SCN3A: variants seen among roughly 807,000 people sequenced by gnomAD.
The protein encoded by SCN3A is sodium voltage-gated channel alpha subunit 3.
SCN3A carries 60 observed loss-of-function variants against 187.6 expected under a neutral mutation model. That is an observed-to-expected ratio of 0.32 (90% CI 0.26 to 0.40). The LOEUF is 0.40. SCN3A is among the 10% of genes least tolerant of loss of function. The pLI is 1.00. For synonymous variants in SCN3A, 788 were observed against 829.2 expected (o/e 0.95, Z 0.85); for missense variants, 1,601 against 2,428.2 (o/e 0.66, Z 7.16).
chr2:165,176,226 C>G lies in SCN3A; in HGVS notation c.169G>C (p.Ala57Pro), dbSNP rs556383202. The change falls in exon 3 of 28, where the codon GCT becomes CCT. Residue 57 changes from alanine to proline, a missense_variant. Transcript: ENST00000283254. ...NKPKPNSDLE[A>P]GKNLPFIYGD... ...TAAATAAATGGAAGGTTCTTTCCAGCTTCCAAGTCACTATTTGGCTTTGGT... is the reference window on the plus strand; with the variant it reads ...TAAATAAATGGAAGGTTCTTTCCAGGTTCCAAGTCACTATTTGGCTTTGGT... The G allele has an allele frequency of 6.2e-7, 1 of 1,614,122 alleles. No individual in the cohort carries two copies. Among genetic ancestry groups the G allele is most frequent in the East Asian group, 2.2e-5 (1 of 44,870 alleles).
chr2:165,111,484 TAC>T (rs60417556), intron 21 of SCN3A, among the ~76,000 whole-genome samples: 19,503 of 142,208 alleles, frequency 0.14, 1,359 homozygotes, highest in Admixed American at 0.23. Context: ...GCCAGTCTGA[TAC>T]ACACACACAC....
In SCN3A at chr2:165,140,988, C is replaced by T. The variant is rs1383276867; in HGVS notation, c.1682G>A (p.Ser561Asn). Residue 561 changes from serine (S) to asparagine (N), a missense_variant, in exon 13 of 28, where the codon AGT (serine) becomes AAT (asparagine). Ser to Asn is a conservative substitution (Grantham distance 46). Transcript: ENST00000283254. This position sits in a 1 kb window ranked among gnomAD's most constrained non-coding sequence, Gnocchi z 4.2. ...KFCSPHQSLL[S>N]IRGSLFSPRR... Reference sequence around the variant, plus strand: ...TGGGGAAAACAGGGAGCCACGGATACTCAAGAGAGACTGCAGAGAAAGCAA... The same window carrying T: ...TGGGGAAAACAGGGAGCCACGGATATTCAAGAGAGACTGCAGAGAAAGCAA... 6.2e-7 allele frequency: 1 copy of T among 1,613,362 alleles called. No individual in the cohort carries two copies. The highest frequency in any genetic ancestry group is 1.3e-5 in the African/African-American group (1 of 74,846).
At chr2:165,164,849 T>A (rs1480982040) in intron 5 of SCN3A, among the ~76,000 whole-genome samples, 2 of 152,188 alleles carry the variant, frequency 1.3e-5, no homozygotes, top group East Asian at 1.9e-4. Flanking sequence ...AAGCCACAAA[T>A]GTAATTTTCA....
At chr2:165,201,359 T>A (rs2106000836) in intron 1 of SCN3A, among the ~76,000 whole-genome samples, 1 of 152,180 alleles carries the variant, frequency 6.6e-6, no homozygotes, top group Non-Finnish European at 1.5e-5. Context: ...ATTTGGCAGT[T>A]TTATTCTATC....
chr2:165,105,867 A>C (rs1196326760), intron 21 of SCN3A, among the ~76,000 whole-genome samples: 1 of 152,162 alleles, frequency 6.6e-6, no homozygotes, highest in African/African-American at 2.4e-5. Context: ...TTGTCTCCTA[A>C]AGAAAAAAAA....
At chr2:165,118,157 G>A (rs1289904935) in intron 18 of SCN3A, among the ~76,000 whole-genome samples, 1 of 152,122 alleles carries the variant, frequency 6.6e-6, no homozygotes, top group Non-Finnish European at 1.5e-5. Flanking sequence ...ATCTCTAATA[G>A]CTCTGGAGGT....
At chr2:165,130,804 A>G (rs1241959053) in intron 16 of SCN3A, among the ~76,000 whole-genome samples, 1 of 152,160 alleles carries the variant, frequency 6.6e-6, no homozygotes, top group East Asian at 1.9e-4. Flanking sequence ...AAATTTTGTG[A>G]TAATTCAAAA....
At chr2:165,184,313 A>G (rs1691082187) in intron 2 of SCN3A, among the ~76,000 whole-genome samples, 2 of 152,070 alleles carry the variant, frequency 1.3e-5, no homozygotes, top group Non-Finnish European at 2.9e-5. Context: ...CTATTGAATG[A>G]TTACTATATC....
At chr2:165,119,763 C>T (rs949689432) in intron 18 of SCN3A, 2 of 151,940 alleles carry the variant, frequency 1.3e-5, no homozygotes, top group Non-Finnish European at 2.9e-5. Context: ...CTTTATATTG[C>T]CATAGCTGTG....
In SCN3A at chr2:165,140,422, C is replaced by T. The variant is rs1172338517; in HGVS notation, c.2019+229G>A. 6.6e-6 allele frequency among the ~76,000 whole-genome samples: 1 copy of T among 151,778 alleles called. No homozygotes were observed. The highest frequency in any genetic ancestry group is 1.9e-4 in the East Asian group (1 of 5,178). On this transcript the variant is annotated intron_variant, in intron 13 of 27. Coordinates refer to ENST00000283254, the MANE Select transcript of SCN3A (RefSeq NM_006922.4). This position sits in a 1 kb window ranked among gnomAD's most constrained non-coding sequence, Gnocchi z 4.2. ...GACTCTAAAAACGGGGCCCTTTTAA[C>T]CTAAAGCCATGGTCCCTTACAAGTA...
intron 9 of SCN3A, 95 bp from the exon 10 acceptor site, chr2:165,155,998 A>C: frequency 1.4e-6 from 2 of 1,435,566 alleles, no homozygotes; most frequent in Non-Finnish European, 2.0e-6. Context: ...CAAAGCTGCT[A>C]TCTGTGACGA....
In SCN3A at chr2:165,162,327, C is replaced by G. The variant is rs1424165362; in HGVS notation, c.1012G>C (p.Gly338Arg). 1 of 1,613,236 alleles carries G rather than the reference C, an allele frequency of 6.2e-7. No individual in the cohort carries two copies. Among genetic ancestry groups the G allele is most frequent in the South Asian group, 1.1e-5 (1 of 90,904 alleles). The change falls in exon 9 of 28, where the codon GGA becomes CGA. Residue 338 changes from glycine (G) to arginine (R), a missense_variant. Gly to Arg is a moderately radical substitution (Grantham distance 125). Transcript: ENST00000283254. ...LDGQKDPLLC[G>R]NGSDAGQCPE... ...TCTTACCCTGCATCTGAGCCATTTCCACAGAGTAAAGGGTCTTTTTGCCCA... is the reference window on the plus strand; with the variant it reads ...TCTTACCCTGCATCTGAGCCATTTCGACAGAGTAAAGGGTCTTTTTGCCCA...
In SCN3A at chr2:165,139,612, C is replaced by A. The variant is rs754589787; in HGVS notation, c.2020-4G>T. The A allele has an allele frequency of 1.1e-5, 17 of 1,613,712 alleles. No homozygotes were observed. The highest frequency in any genetic ancestry group is 1.4e-5 in the Non-Finnish European group (17 of 1,179,766). Reference sequence around the variant, plus strand: ...CTTCCGTTTCTGTGGTGGTGCCCTGCAAACCAAATACTGATGGCTCAAACC... The same window carrying A: ...CTTCCGTTTCTGTGGTGGTGCCCTGAAAACCAAATACTGATGGCTCAAACC... On this transcript the variant is annotated splice_polypyrimidine_tract_variant and splice_region_variant and intron_variant, in intron 13 of 27. Transcript: ENST00000283254.
chr2:165,190,524 TTA>T (rs1250957954), intron 1 of SCN3A, among the ~76,000 whole-genome samples: 1 of 146,120 alleles, frequency 6.8e-6, no homozygotes, highest in Non-Finnish European at 1.5e-5. Flanking sequence ...ATATATAACT[TTA>T]TATATATAAC....
intron 11 of SCN3A, 75 bp downstream of exon 11, chr2:165,154,377 C>G: frequency 6.8e-7 from 1 of 1,481,416 alleles, no homozygotes; most frequent in Non-Finnish European, 9.3e-7. Context: ...CCAATCTACC[C>G]TCTATAGTAT....
intron 15 of SCN3A, among the ~76,000 whole-genome samples, chr2:165,133,923 C>A (rs1687508077): frequency 6.6e-6 from 1 of 151,956 alleles, no homozygotes; most frequent in Non-Finnish European, 1.5e-5. Context: ...TCGTAAAAAC[C>A]ATATTTTGTT....
chr2:165,163,518 G>A lies in SCN3A; in HGVS notation c.694+100C>T, dbSNP rs886885132. 5.5e-5 allele frequency: 73 copies of A among 1,337,672 alleles called. No homozygotes were observed. In the African/African-American group the frequency reaches 1.0e-3, roughly 19 times the overall value. 82.9% of individuals were successfully genotyped at this position (1,337,672 alleles called of 1,614,324 possible). A position where few individuals can be genotyped will look rare whatever the true frequency, so the allele number is the denominator to read the frequency against. On this transcript the variant is annotated intron_variant, in intron 7 of 27. Transcript: ENST00000283254. The stretch of plus-strand genomic sequence containing the variant: ...ATCATTTGGCATTATTTAACGGGAT[G>A]AACTGTAATAATAAGCAACAAGGCT...
intron 10 of SCN3A, among the ~76,000 whole-genome samples, chr2:165,155,109 C>T (rs6432812): frequency 0.77 from 116,808 of 152,080 alleles, 45,275 homozygotes; most frequent in East Asian, 0.88. Context: ...ATCAACATCA[C>T]TGATTTTTAA....
In SCN3A at chr2:165,088,826, G is replaced by C. The variant is rs1269489242; in HGVS notation, c.*1324C>G. 2.6e-5 allele frequency: 4 copies of C among 152,486 alleles called. No individual in the cohort carries two copies. Among genetic ancestry groups the C allele is most frequent in the African/African-American group, 9.7e-5 (4 of 41,438 alleles). The allele number at this position is 152,486 out of a possible 1,614,324, so 9.4% of individuals were successfully genotyped here. ...ATTTTTAGCAAAATATGAAGAATAG[G>C]TTTTGTCAGTAGGCAGTATCCAGTG... On this transcript the variant is annotated 3_prime_UTR_variant, in exon 28 of 28. Coordinates refer to ENST00000283254, the MANE Select transcript of SCN3A (RefSeq NM_006922.4).
Sources: gnomAD v4.1 joint callset for allele counts (sites outside exome capture counted in the v4.1 genomes callset) on GRCh38, gnomAD v4.1.1 for gene constraint, Gnocchi (gnomAD v3.1) non-coding constraint, MANE v1.5 for transcripts, NCBI Gene and HGNC (gene_info 2026-07-23, HGNC 2026-07-21) for gene names.